Variants in PLXDC2 observed in about 807,000 individuals in gnomAD.
PLXDC2 encodes plexin domain-containing protein 2.
A neutral mutation model predicts 68.9 loss-of-function variants in PLXDC2; 40 were observed. That is an observed-to-expected ratio of 0.58 (90% CI 0.45 to 0.76). The LOEUF (loss-of-function observed/expected upper bound fraction) is 0.76, where lower values mean the gene tolerates loss of function less well. Among genes scored for constraint, PLXDC2 ranks in the 30% least tolerant of loss-of-function variants. PLXDC2 has a pLI of 0.00. For missense variants in PLXDC2, 644 were observed against 661.9 expected, an observed-to-expected ratio of 0.97 and a Z score of 0.30; for synonymous variants, 243 against 234.2, an observed-to-expected ratio of 1.04 and a Z score of -0.34.
intron 9 of PLXDC2, among the ~76,000 whole-genome samples, chr10:20,202,446 T>C (rs893300144): frequency 2.6e-5 from 4 of 152,190 alleles, no homozygotes; most frequent in Admixed American, 6.5e-5. Context: ...TATTTCCACA[T>C]CTGCTGGTTT....
chr10:19,871,385 T>C (rs750382094), intron 1 of PLXDC2, among the ~76,000 whole-genome samples: 1 of 152,188 alleles, frequency 6.6e-6, no homozygotes, highest in Non-Finnish European at 1.5e-5. Context: ...AGACAGACCA[T>C]AGCATCATGT....
At chr10:20,164,990 T>G (rs980484033) in intron 7 of PLXDC2, among the ~76,000 whole-genome samples, 12 of 151,910 alleles carry the variant, frequency 7.9e-5, no homozygotes, top group African/African-American at 2.9e-4. Context: ...CTTGGCTAAC[T>G]TTTTTTATTA....
chr10:19,989,431 A>G (rs1318987136), intron 1 of PLXDC2, among the ~76,000 whole-genome samples: 1 of 152,192 alleles, frequency 6.6e-6, no homozygotes, highest in Non-Finnish European at 1.5e-5. Context: ...TGGTAGACAC[A>G]AATTGTCCAT....
intron 5 of PLXDC2, among the ~76,000 whole-genome samples, chr10:20,147,180 G>C (rs1194941840): frequency 6.6e-6 from 1 of 152,108 alleles, no homozygotes; most frequent in Non-Finnish European, 1.5e-5. Flanking sequence ...ATCCCAGTGT[G>C]CTTCAAGGGG....
chr10:20,140,138 A>C (rs1434174455), intron 4 of PLXDC2, among the ~76,000 whole-genome samples: 1 of 151,934 alleles, frequency 6.6e-6, no homozygotes, highest in Non-Finnish European at 1.5e-5. Flanking sequence ...CTCTCTACTA[A>C]AAATACAAAA....
At chr10:19,822,744 C>T (rs1284654845) in intron 1 of PLXDC2, among the ~76,000 whole-genome samples, 1 of 152,092 alleles carries the variant, frequency 6.6e-6, no homozygotes, top group Admixed American at 6.6e-5. Flanking sequence ...TGTTGAGGAC[C>T]ATGTCATATG....
chr10:20,216,123 TA>T (rs1835133998), intron 10 of PLXDC2, among the ~76,000 whole-genome samples: 1 of 150,796 alleles, frequency 6.6e-6, no homozygotes, highest in African/African-American at 2.4e-5. Context: ...AAAAAAAAAA[TA>T]AAAAAATAGA....
chr10:20,060,314 AC>A (rs1836078121), intron 3 of PLXDC2, among the ~76,000 whole-genome samples: 1 of 152,052 alleles, frequency 6.6e-6, no homozygotes. Context: ...GAGCCACCAC[AC>A]CCGGCCTATA....
intron 1 of PLXDC2, among the ~76,000 whole-genome samples, chr10:19,989,725 G>A (rs1834714177): frequency 6.7e-6 from 1 of 148,214 alleles, no homozygotes; most frequent in South Asian, 2.1e-4. Flanking sequence ...ATTTTATAGA[G>A]TCCTTCAATT....
chr10:19,884,249 G>A (rs1259697920), intron 1 of PLXDC2, among the ~76,000 whole-genome samples: 1 of 151,952 alleles, frequency 6.6e-6, no homozygotes, highest in Non-Finnish European at 1.5e-5. Flanking sequence ...TTTATTGTGA[G>A]TTATATCTCT....
chr10:20,253,783 A>G (rs1206035770), intron 13 of PLXDC2, among the ~76,000 whole-genome samples: 1 of 149,418 alleles, frequency 6.7e-6, no homozygotes, highest in Non-Finnish European at 1.5e-5. Context: ...ATACAGACAC[A>G]TGTTTGATAT....
At chr10:19,881,260 CAT>C (rs1837722618) in intron 1 of PLXDC2, among the ~76,000 whole-genome samples, 1 of 152,112 alleles carries the variant, frequency 6.6e-6, no homozygotes. Flanking sequence ...GGATTACAGA[CAT>C]GTGCCACCAT....
At chr10:19,897,425 A>G (rs1409900670) in intron 1 of PLXDC2, among the ~76,000 whole-genome samples, 2 of 151,752 alleles carry the variant, frequency 1.3e-5, no homozygotes, top group African/African-American at 2.4e-5. Flanking sequence ...TGTTTTTTTT[A>G]GTAGAGAGGG....
chr10:20,199,545 A>T lies in PLXDC2; in HGVS notation c.1062-12124A>T, dbSNP rs555897522. On this transcript the variant is annotated intron_variant, in intron 9 of 13. Coordinates refer to ENST00000377252, the MANE Select transcript of PLXDC2 (RefSeq NM_032812.9). ...AAATGACTATTTAAGAAATGCAATG[A>T]TTTAAGCTTCTTAACATTAGCAAAA... is the stretch of plus-strand genomic sequence containing the variant. 2.6e-3 allele frequency among the ~76,000 whole-genome samples: 392 copies of T among 152,124 alleles called. 1 individual carries two copies. Among genetic ancestry groups the T allele is most frequent in the Non-Finnish European group, 3.2e-3 (216 of 67,878 alleles).
At chr10:19,926,952 A>T (rs544160365) in intron 1 of PLXDC2, among the ~76,000 whole-genome samples, 1 of 152,286 alleles carries the variant, frequency 6.6e-6, no homozygotes, top group East Asian at 1.9e-4. Flanking sequence ...TGTTGTCCTA[A>T]GTCTTTCTGT....
chr10:19,977,048 G>T (rs1324312115), intron 1 of PLXDC2, among the ~76,000 whole-genome samples: 1 of 152,036 alleles, frequency 6.6e-6, no homozygotes. Flanking sequence ...CCATCTCATG[G>T]CATAATATCT....
chr10:19,865,839 C>T lies in PLXDC2; in HGVS notation c.112+48648C>T, dbSNP rs115217103. The stretch of plus-strand genomic sequence containing the variant: ...AATACACAGTCTTAACTTCCAGCTG[C>T]CTGACACATGATGAACACCTACAAT... On this transcript the variant is annotated intron_variant, in intron 1 of 13. Transcript: ENST00000377252. Among the ~76,000 whole-genome samples the T allele has an allele frequency of 5.9e-3, 894 of 152,280 alleles. 9 individuals carry two copies. Among genetic ancestry groups the T allele is most frequent in the African/African-American group, 0.02 (828 of 41,560 alleles).
chr10:20,202,158 T>C (rs948100006), intron 9 of PLXDC2, among the ~76,000 whole-genome samples: 1 of 152,172 alleles, frequency 6.6e-6, no homozygotes, highest in Non-Finnish European at 1.5e-5. Flanking sequence ...AAAATATATC[T>C]GTGCTTTATG....
rs139161456 is a variant in PLXDC2, at chr10:19,837,105, G to GT, written c.112+19924dup. Among the ~76,000 whole-genome samples the GT allele has an allele frequency of 3.9e-3, 577 of 148,948 alleles. 9 individuals carry two copies. The East Asian group carries it at 0.054, about 14-fold the overall frequency. ...GTATTGCTTGCGAGGTGAATTGAAG[G>GT]TTTTTTTTTTATCAACAGTTGTTTT... On this transcript the variant is annotated intron_variant, in intron 1 of 13. Coordinates refer to ENST00000377252, the MANE Select transcript of PLXDC2 (RefSeq NM_032812.9).
Sources: gnomAD v4.1 joint callset for allele counts (sites outside exome capture counted in the v4.1 genomes callset) on GRCh38, gnomAD v4.1.1 for gene constraint, MANE v1.5 for transcripts, NCBI Gene and HGNC (gene_info 2026-07-23, HGNC 2026-07-21) for gene names.